GRM5: variants seen among roughly 807,000 people sequenced by gnomAD.
The protein encoded by GRM5 is metabotropic glutamate receptor 5.
Under a neutral mutation model 83.1 loss-of-function variants are expected in GRM5, and 19 were observed. The ratio of observed to expected loss-of-function variants is 0.23; its 90% confidence interval spans 0.16 to 0.34. The LOEUF is 0.34. Ranked by LOEUF, GRM5 falls within the 10% of genes least tolerant of loss-of-function variation. The pLI is 1.00. For missense variants in GRM5, 1,160 were observed against 1,588.3 expected (o/e 0.73, Z 4.58); for synonymous variants, 675 against 633.6 (o/e 1.07, Z -0.98).
At chr11:88,552,601 C>T (rs933794791) in intron 8 of GRM5, among the ~76,000 whole-genome samples, 9 of 152,096 alleles carry the variant, frequency 5.9e-5, no homozygotes. Flanking sequence ...CAAAGAACTT[C>T]GCCTGCCACC....
chr11:88,625,273 T>G (rs1482399478), intron 4 of GRM5, among the ~76,000 whole-genome samples: 1 of 152,170 alleles, frequency 6.6e-6, no homozygotes, highest in East Asian at 1.9e-4. Context: ...CAGATAAGAA[T>G]GTGCCCCACT....
At chr11:88,705,497 G>A (rs1941134026) in intron 3 of GRM5, among the ~76,000 whole-genome samples, 2 of 151,976 alleles carry the variant, frequency 1.3e-5, no homozygotes, top group Admixed American at 1.3e-4. Flanking sequence ...CCTTATTTTG[G>A]TTAATTAGCT....
chr11:88,554,178 A>G (rs2135151233), intron 8 of GRM5, among the ~76,000 whole-genome samples: 1 of 152,038 alleles, frequency 6.6e-6, no homozygotes, highest in African/African-American at 2.4e-5. Context: ...ATTTCCTTGT[A>G]TTTTTCGGCT....
At chr11:88,565,496 T>C (rs1047227618) in intron 8 of GRM5, among the ~76,000 whole-genome samples, 1 of 152,220 alleles carries the variant, frequency 6.6e-6, no homozygotes, top group Non-Finnish European at 1.5e-5. Context: ...TCCATCAATA[T>C]GCTTGTTTTA....
chr11:88,897,778 C>T (rs1945252612), intron 2 of GRM5, among the ~76,000 whole-genome samples: 1 of 151,854 alleles, frequency 6.6e-6, no homozygotes, highest in Non-Finnish European at 1.5e-5. Flanking sequence ...ACAAAATTTT[C>T]CGATAAAAGG....
intron 4 of GRM5, among the ~76,000 whole-genome samples, chr11:88,635,740 C>T (rs959756214): frequency 1.3e-5 from 2 of 151,816 alleles, no homozygotes; most frequent in Non-Finnish European, 2.9e-5. Flanking sequence ...GGGGTCATAC[C>T]CCCCAAAAAA....
intron 3 of GRM5, among the ~76,000 whole-genome samples, chr11:88,681,734 T>C (rs978340799): frequency 6.6e-6 from 1 of 150,894 alleles, no homozygotes; most frequent in Admixed American, 6.6e-5. Context: ...CCACATCTGG[T>C]TAATTTTTGT....
At position 88,882,485 on chromosome 11, in the gene GRM5, C is replaced by A. The variant is rs1188396037; in HGVS notation, c.662-32330G>T. On this transcript the variant is annotated intron_variant, in intron 2 of 9. Coordinates refer to ENST00000305447, the MANE Select transcript of GRM5 (RefSeq NM_001143831.3). Reference sequence around the variant, plus strand: ...CTGGGGCAGGAGAATGGCATGAACCCAGGAGGTGGAGCTCGCAGTGAGCCG... The same window carrying A: ...CTGGGGCAGGAGAATGGCATGAACCAAGGAGGTGGAGCTCGCAGTGAGCCG... Among the ~76,000 whole-genome samples, 4 of 149,464 alleles carry A rather than the reference C, an allele frequency of 2.7e-5. No individual in the cohort carries two copies. In the South Asian group the frequency reaches 6.3e-4, roughly 24 times the overall value.
chr11:88,873,129 G>A lies in GRM5; in HGVS notation c.662-22974C>T, dbSNP rs191280009. On this transcript the variant is annotated intron_variant, in intron 2 of 9. Coordinates refer to ENST00000305447, the MANE Select transcript of GRM5 (RefSeq NM_001143831.3). ...GTAGAAAGATAAAGACACTCACAAT[G>A]ATAAAAGAGTCAATAGAGCAACAGG... 3.3e-5 allele frequency among the ~76,000 whole-genome samples: 5 copies of A among 151,738 alleles called. No homozygotes were observed. The East Asian group carries it at 9.7e-4, about 29-fold the overall frequency.
chr11:89,033,771 G>T (rs920166225), intron 2 of GRM5, among the ~76,000 whole-genome samples: 1 of 151,568 alleles, frequency 6.6e-6, no homozygotes, highest in Non-Finnish European at 1.5e-5. Flanking sequence ...TTAAAAAAAG[G>T]TACATTCCAA....
At chr11:88,862,785 T>C (rs1944588315) in intron 2 of GRM5, among the ~76,000 whole-genome samples, 1 of 152,088 alleles carries the variant, frequency 6.6e-6, no homozygotes, top group South Asian at 2.1e-4. Flanking sequence ...GCATTAGCTA[T>C]TTTTCCTGAT....
At chr11:88,831,435 C>T (rs1004998917) in intron 3 of GRM5, among the ~76,000 whole-genome samples, 6 of 152,236 alleles carry the variant, frequency 3.9e-5, no homozygotes, top group African/African-American at 1.2e-4. Context: ...GAAGCAGGGC[C>T]ACAGTGCAGC....
chr11:88,872,519 A>C (rs919934463), intron 2 of GRM5, among the ~76,000 whole-genome samples: 6 of 151,522 alleles, frequency 4.0e-5, no homozygotes, highest in Non-Finnish European at 8.9e-5. Context: ...GAGGCAGAAG[A>C]AGATGGCAAA....
At chr11:88,609,819 C>A (rs1045490589) in intron 4 of GRM5, among the ~76,000 whole-genome samples, 3 of 152,136 alleles carry the variant, frequency 2.0e-5, no homozygotes, top group African/African-American at 7.2e-5. Flanking sequence ...GGCTAATGTT[C>A]AGAATGGTAT....
chr11:88,934,070 A>C (rs555097053), intron 2 of GRM5, among the ~76,000 whole-genome samples: 1 of 151,944 alleles, frequency 6.6e-6, no homozygotes, highest in East Asian at 1.9e-4. Flanking sequence ...TAAAAAGAAA[A>C]AAAAAGCAAA....
At chr11:88,773,550 G>A (rs1202294386) in intron 3 of GRM5, among the ~76,000 whole-genome samples, 1 of 152,170 alleles carries the variant, frequency 6.6e-6, no homozygotes, top group Non-Finnish European at 1.5e-5. Flanking sequence ...GAATGGTAAT[G>A]CCTAGGTTTT....
At chr11:89,050,574 C>T (rs1941735955) in intron 1 of GRM5, among the ~76,000 whole-genome samples, 3 of 152,180 alleles carry the variant, frequency 2.0e-5, no homozygotes, top group South Asian at 4.1e-4. Flanking sequence ...AATTTATACT[C>T]CCACTGCAGA....
At chr11:88,912,080 G>A (rs1028227385) in intron 2 of GRM5, 7 of 462,376 alleles carry the variant, frequency 1.5e-5, no homozygotes, top group Middle Eastern at 3.3e-4. Flanking sequence ...TCAGAGGAAC[G>A]TGTATCTGTA....
intron 8 of GRM5, among the ~76,000 whole-genome samples, chr11:88,556,806 T>C (rs1225179272): frequency 6.6e-6 from 1 of 152,084 alleles, no homozygotes; most frequent in East Asian, 1.9e-4. Flanking sequence ...CACTTCCCTA[T>C]ACCACACTAC....
Sources: allele counts gnomAD v4.1 joint callset (sites outside exome capture counted in the v4.1 genomes callset), GRCh38; gene constraint gnomAD v4.1.1; transcripts MANE v1.5; gene names NCBI Gene and HGNC (gene_info 2026-07-23, HGNC 2026-07-21).